Variants in PHACTR1 observed in about 807,000 individuals in gnomAD.
PHACTR1 encodes the protein phosphatase and actin regulator 1.
A neutral mutation model predicts 69.2 loss-of-function variants in PHACTR1; 16 were observed. That is an observed-to-expected ratio of 0.23 (90% CI 0.16 to 0.35). The LOEUF is 0.35. Among genes scored for constraint, PHACTR1 ranks in the 10% least tolerant of loss-of-function variants. PHACTR1 has a pLI of 1.00. For missense variants in PHACTR1, 510 were observed against 734.7 expected, an observed-to-expected ratio of 0.69 and a Z score of 3.54; for synonymous variants, 312 against 284.5, an observed-to-expected ratio of 1.10 and a Z score of -0.97.
intron 4 of PHACTR1, among the ~76,000 whole-genome samples, chr6:12,845,950 C>G (rs1252961398): frequency 3.9e-5 from 6 of 152,180 alleles, no homozygotes; most frequent in African/African-American, 1.4e-4. Context: ...TGCATCTCTT[C>G]CCTGCCAATT....
intron 10 of PHACTR1, among the ~76,000 whole-genome samples, chr6:13,240,050 T>TAA (rs112143131): frequency 0.11 from 15,366 of 145,238 alleles, 1,066 homozygotes; most frequent in Admixed American, 0.24. Context: ...AAAGTTTCTT[T>TAA]AAAAAAAAAA....
At chr6:13,206,537 T>C (rs1434205215) in intron 8 of PHACTR1, among the ~76,000 whole-genome samples, 3 of 152,178 alleles carry the variant, frequency 2.0e-5, no homozygotes, top group Non-Finnish European at 4.4e-5. Context: ...CACAAAAATA[T>C]CACCAAACTT....
intron 4 of PHACTR1, among the ~76,000 whole-genome samples, chr6:12,853,841 G>A (rs189777135): frequency 1.0e-3 from 153 of 152,310 alleles, no homozygotes; most frequent in Middle Eastern, 3.4e-3. Context: ...AGCTGTATAC[G>A]ATTCAAGATG....
intron 10 of PHACTR1, among the ~76,000 whole-genome samples, chr6:13,233,895 T>C (rs1269526669): frequency 6.6e-6 from 1 of 152,254 alleles, no homozygotes; most frequent in East Asian, 1.9e-4. Flanking sequence ...AGGGAGTTTC[T>C]TTCTTTGTGG....
At chr6:13,038,892 A>C (rs1803754260) in intron 4 of PHACTR1, among the ~76,000 whole-genome samples, 1 of 152,222 alleles carries the variant, frequency 6.6e-6, no homozygotes, top group Non-Finnish European at 1.5e-5. Context: ...GCCATGTTCC[A>C]GTCATCACTT....
intron 4 of PHACTR1, among the ~76,000 whole-genome samples, chr6:12,821,484 AGAGAGAG>A (rs1279467512): frequency 2.0e-5 from 1 of 50,974 alleles, no homozygotes; most frequent in Non-Finnish European, 3.4e-5. Flanking sequence ...AAAAAAAAAA[AGAGAGAG>A]AGAGAGAGAG....
chr6:13,090,223 G>A (rs1435827335), intron 5 of PHACTR1, among the ~76,000 whole-genome samples: 1 of 138,732 alleles, frequency 7.2e-6, no homozygotes, highest in Admixed American at 7.2e-5. Context: ...CCCGGCTAAT[G>A]TTTTGTATTT....
At chr6:12,753,866 C>T (rs544189356) in intron 4 of PHACTR1, among the ~76,000 whole-genome samples, 80 of 151,608 alleles carry the variant, frequency 5.3e-4, no homozygotes, top group African/African-American at 1.9e-3. Context: ...ATAATGGAGG[C>T]CCATGATATA....
At chr6:13,033,645 C>T (rs1184201257) in intron 4 of PHACTR1, among the ~76,000 whole-genome samples, 2 of 152,234 alleles carry the variant, frequency 1.3e-5, no homozygotes, top group Non-Finnish European at 2.9e-5. Flanking sequence ...ATGCTATATA[C>T]AGGATTGATT....
At chr6:12,845,434 C>CG (rs1554149772) in intron 4 of PHACTR1, among the ~76,000 whole-genome samples, 1 of 56,390 alleles carries the variant, frequency 1.8e-5, no homozygotes, top group African/African-American at 5.8e-5. Flanking sequence ...CACCCACCCC[C>CG]CCCCCCCCCG....
chr6:13,122,141 C>G (rs1400838425), intron 5 of PHACTR1, among the ~76,000 whole-genome samples: 1 of 152,194 alleles, frequency 6.6e-6, no homozygotes, highest in Non-Finnish European at 1.5e-5. Context: ...TAATAGAATA[C>G]TTGCCCGCAC....
At chr6:12,742,112 G>T (rs1418695529) in intron 3 of PHACTR1, among the ~76,000 whole-genome samples, 1 of 152,098 alleles carries the variant, frequency 6.6e-6, no homozygotes, top group African/African-American at 2.4e-5. Context: ...TTTATAAAGG[G>T]AAAGCAAGTT....
intron 4 of PHACTR1, among the ~76,000 whole-genome samples, chr6:12,988,701 G>T (rs1477665818): frequency 6.6e-6 from 1 of 152,184 alleles, no homozygotes; most frequent in East Asian, 1.9e-4. Flanking sequence ...TGAATAGATA[G>T]TGGGAAAAAC....
chr6:12,973,893 C>G (rs1317243810), intron 4 of PHACTR1, among the ~76,000 whole-genome samples: 1 of 147,298 alleles, frequency 6.8e-6, no homozygotes, highest in African/African-American at 2.5e-5. Flanking sequence ...CAAACATATA[C>G]ATTAGGGGTT....
rs371601733 is a variant in PHACTR1, at chr6:13,053,436, C to T, written c.322C>T (p.Arg108Cys). Residue 108 changes from arginine to cysteine, a missense_variant, in exon 5 of 15, where the codon CGC (arginine) becomes TGC (cysteine). Arg to Cys is a radical substitution (Grantham distance 180, BLOSUM62 -3). This residue lies in a region of PHACTR1 where 419 missense variants were observed against 530.9 expected (regional missense o/e 0.79). Transcript: ENST00000332995. ...CCCAGGCACCCACACCCCACCCATC[C>T]GCAGGAGAAGTAAGTTTGCCAACCT... is the stretch of plus-strand genomic sequence containing the variant. ...LVPGTHTPPIRRRSKFANLGR... is the reference protein window; with the variant it reads ...LVPGTHTPPICRRSKFANLGR... 32 of 1,613,674 alleles carry T rather than the reference C, an allele frequency of 2.0e-5. No individual in the cohort carries two copies. The highest frequency in any genetic ancestry group is 6.7e-5 in the Admixed American group (4 of 59,964).
At chr6:12,849,478 T>C (rs1192590563) in intron 4 of PHACTR1, among the ~76,000 whole-genome samples, 1 of 152,088 alleles carries the variant, frequency 6.6e-6, no homozygotes, top group East Asian at 1.9e-4. Context: ...ATGGGTCTGA[T>C]TGGAAGAGAA....
chr6:12,975,104 A>G (rs1434405971), intron 4 of PHACTR1, among the ~76,000 whole-genome samples: 3 of 152,182 alleles, frequency 2.0e-5, no homozygotes, highest in South Asian at 2.1e-4. Flanking sequence ...TGCTGACTCT[A>G]TCTGTTACAA....
intron 4 of PHACTR1, among the ~76,000 whole-genome samples, chr6:12,865,477 T>C (rs917415160): frequency 1.3e-4 from 20 of 151,742 alleles, no homozygotes; most frequent in Non-Finnish European, 1.5e-4. Flanking sequence ...TGTGTGTGTG[T>C]GTGCCTGCGT....
intron 4 of PHACTR1, among the ~76,000 whole-genome samples, chr6:12,873,540 T>A (rs1362497329): frequency 1.3e-5 from 2 of 152,028 alleles, no homozygotes; most frequent in African/African-American, 4.8e-5. Flanking sequence ...GAAAAAAAGG[T>A]TCAATACAGG....
Sources: allele counts gnomAD v4.1 joint callset (sites outside exome capture counted in the v4.1 genomes callset), GRCh38; gene constraint gnomAD v4.1.1; regional missense constraint gnomAD v4.1.1; transcripts MANE v1.5; gene names NCBI Gene and HGNC (gene_info 2026-07-23, HGNC 2026-07-21).